The following RFX1 variants were observed in gnomAD, a reference collection of about 807,000 sequenced individuals.
RFX1 encodes MHC class II regulatory factor RFX1.
RFX1 carries 42 observed loss-of-function variants against 119.6 expected under a neutral mutation model. The ratio of observed to expected loss-of-function variants is 0.35; its 90% CI spans 0.27 to 0.45. RFX1 has a LOEUF of 0.45. Among genes scored for constraint, RFX1 ranks in the 20% least tolerant of loss-of-function variants. The pLI is 1.00. For synonymous variants in RFX1, 628 were observed against 618.5 expected, an observed-to-expected ratio of 1.02 and a Z score of -0.23; for missense variants, 1,118 against 1,368.1, an observed-to-expected ratio of 0.82 and a Z score of 2.88.
Position 13,966,476 on chromosome 19 carries a change from T to G in RFX1, c.1906A>C (p.Lys636Gln), listed in dbSNP as rs773682844. The stretch of plus-strand genomic sequence containing the variant: ...CTGAGGTTGTACCTCCAGAAGGTCT[T>G]CCACAGCGTCTCCACCAGGGTGAAC... ...LQFTLVETLW[K>Q]TFWRYNLSQP... The change falls in exon 14 of 21, where the codon AAG becomes CAG. Residue 636 changes from lysine (K) to glutamine (Q), a missense_variant. Transcript: ENST00000254325. This position sits in a 1 kb window ranked among gnomAD's most constrained non-coding sequence, Gnocchi z 6.3. 6.2e-7 allele frequency: 1 copy of G among 1,605,534 alleles called. No homozygotes were observed. Among genetic ancestry groups the G allele is most frequent in the South Asian group, 1.1e-5 (1 of 90,394 alleles).
chr19:13,977,842 CT>C (rs1385490456), intron 8 of RFX1, 149 bp downstream of exon 8: 6 of 586,936 alleles, frequency 1.0e-5, no homozygotes, highest in Admixed American at 9.6e-5. Flanking sequence ...GTGGCTGCCC[CT>C]GGGGAGTGCC....
At chr19:13,975,543 C>T (rs898152897) in intron 8 of RFX1, among the ~76,000 whole-genome samples, 1 of 152,032 alleles carries the variant, frequency 6.6e-6, no homozygotes, top group Admixed American at 6.6e-5. Context: ...CTTTGTCACA[C>T]ATCAGGTCCA....
Position 13,966,539 on chromosome 19 carries a change from G to A in RFX1, c.1852-9C>T. 6.4e-7 allele frequency: 1 copy of A among 1,557,540 alleles called. No individual in the cohort carries two copies. Among genetic ancestry groups the A allele is most frequent in the Non-Finnish European group, 8.7e-7 (1 of 1,144,750 alleles). The stretch of plus-strand genomic sequence containing the variant: ...ATGACGTCGACAATGGCCTGTGGCA[G>A]AGGCGGATGCTCAGGGAGGCTGGGG... On this transcript the variant is annotated splice_polypyrimidine_tract_variant and intron_variant, in intron 13 of 20. Transcript: ENST00000254325. The surrounding 1 kb of genome is among the most constrained non-coding windows in gnomAD (Gnocchi z 6.3).
At position 13,970,117 on chromosome 19, in the gene RFX1, G is replaced by A. The variant is rs1369434908; in HGVS notation, c.1373C>T (p.Thr458Ile). ...GTGCAGTAAGTAGTGGCAGTAGAGGGTGCTCCGTGGCAGACTCACGCCCTC... is the reference window on the plus strand; with the variant it reads ...GTGCAGTAAGTAGTGGCAGTAGAGGATGCTCCGTGGCAGACTCACGCCCTC... Reference protein sequence around the residue: ...TAEGVSLPRSTLYCHYLLHCQ... With the variant: ...TAEGVSLPRSILYCHYLLHCQ... Residue 458 changes from threonine (T) to isoleucine (I), a missense_variant, in exon 10 of 21, where the codon ACC (threonine) becomes ATC (isoleucine). Physicochemically the swap from Thr to Ile is moderately conservative, Grantham distance 89 (BLOSUM62 -1). This residue lies in a region of RFX1 where 338 missense variants were observed against 508.9 expected (regional missense o/e 0.66). Coordinates refer to ENST00000254325, the MANE Select transcript of RFX1 (RefSeq NM_002918.5). 1 of 1,613,980 alleles carries A rather than the reference G, an allele frequency of 6.2e-7. No individual in the cohort carries two copies. Among genetic ancestry groups the A allele is most frequent in the Non-Finnish European group, 8.5e-7 (1 of 1,179,988 alleles).
chr19:13,963,755 CAG>C lies in RFX1; in HGVS notation c.2362-11_2362-10del. 1 of 1,566,186 alleles carries C rather than the reference CAG, an allele frequency of 6.4e-7. No individual in the cohort carries two copies. The highest frequency in any genetic ancestry group is 1.2e-5 in the South Asian group (1 of 86,336). ...ACCCACGAGGCCTGCTCCTGGGGCA[CAG>C]AGGGTGGGCGGGCGCCCGGGGCTCA... On this transcript the variant is annotated splice_polypyrimidine_tract_variant and intron_variant, in intron 17 of 20. Coordinates refer to ENST00000254325, the MANE Select transcript of RFX1 (RefSeq NM_002918.5).
chr19:13,988,108 C>G (rs1256907088), intron 2 of RFX1, among the ~76,000 whole-genome samples: 1 of 151,022 alleles, frequency 6.6e-6, no homozygotes, highest in African/African-American at 2.4e-5. Context: ...CTCACTGCAA[C>G]CTCCACCTCC....
At chr19:13,994,908 AT>A in intron 1 of RFX1, among the ~76,000 whole-genome samples, 1 of 82,412 alleles carries the variant, frequency 1.2e-5, no homozygotes, top group East Asian at 3.6e-4. Flanking sequence ...ATATATATAT[AT>A]ATATATATAT....
chr19:14,004,496 G>T (rs1287413915), intron 1 of RFX1, among the ~76,000 whole-genome samples: 1 of 151,892 alleles, frequency 6.6e-6, no homozygotes, highest in Non-Finnish European at 1.5e-5. Flanking sequence ...CACAGAGTGA[G>T]ACTCCGTCTC....
At chr19:13,977,910 G>T in intron 8 of RFX1, 82 bp downstream of exon 8, 1 of 1,084,640 alleles carries the variant, frequency 9.2e-7, no homozygotes, top group Non-Finnish European at 1.4e-6. Flanking sequence ...TGGGGGCTGG[G>T]ACTGGGGACT....
chr19:13,988,812 G>C (rs1050451901), intron 2 of RFX1, among the ~76,000 whole-genome samples: 1 of 152,228 alleles, frequency 6.6e-6, no homozygotes, highest in African/African-American at 2.4e-5. Context: ...CTTGAGGTAA[G>C]AAGTTTGAGA....
chr19:13,991,281 G>C (rs1052484202), intron 2 of RFX1, among the ~76,000 whole-genome samples: 5 of 152,186 alleles, frequency 3.3e-5, no homozygotes, highest in African/African-American at 1.2e-4. Flanking sequence ...GGTGATGGAG[G>C]TGAAGGTGGG....
intron 5 of RFX1, 27 bp downstream of exon 5, chr19:13,982,094 A>T (rs1405566360): frequency 8.6e-7 from 1 of 1,165,930 alleles, no homozygotes; most frequent in Non-Finnish European, 1.1e-6. Context: ...AGCAGGGGGG[A>T]GGGCGGCCAA....
intron 2 of RFX1, 106 bp downstream of exon 2, chr19:13,993,419 C>A: frequency 8.8e-7 from 1 of 1,141,014 alleles, no homozygotes; most frequent in South Asian, 1.5e-5. Flanking sequence ...CAAGTCCCAT[C>A]CAGAAACCTT....
At chr19:13,995,953 A>G (rs2145630011) in intron 1 of RFX1, among the ~76,000 whole-genome samples, 1 of 151,738 alleles carries the variant, frequency 6.6e-6, no homozygotes, top group South Asian at 2.1e-4. Flanking sequence ...GCTTGAACCC[A>G]GGAGGCAGAG....
intron 1 of RFX1, among the ~76,000 whole-genome samples, chr19:13,994,153 C>T (rs1974907865): frequency 2.0e-5 from 3 of 152,128 alleles, no homozygotes; most frequent in Non-Finnish European, 4.4e-5. Context: ...GGACTCCTGC[C>T]TTCCCAGTCC....
chr19:13,971,085 A>G (rs28566777), intron 9 of RFX1, among the ~76,000 whole-genome samples: 9,474 of 151,560 alleles, frequency 0.063, 995 homozygotes, highest in African/African-American at 0.21. Flanking sequence ...TGTAATCCCA[A>G]CACTTTGGGA....
Position 13,965,562 on chromosome 19 carries a change from G to C in RFX1, c.2114-16C>G. 1 of 1,613,412 alleles carries C rather than the reference G, an allele frequency of 6.2e-7. No homozygotes were observed. The highest frequency in any genetic ancestry group is 8.5e-7 in the Non-Finnish European group (1 of 1,179,902). On this transcript the variant is annotated splice_polypyrimidine_tract_variant and intron_variant, in intron 15 of 20. Transcript: ENST00000254325. This position sits in a 1 kb window ranked among gnomAD's most constrained non-coding sequence, Gnocchi z 4.7. ...GTCAAGGCACCTGTGGGCGGTGGCGGGGGTCGGTCAGGGCAGGGCGGGTGT... is the reference window on the plus strand; with the variant it reads ...GTCAAGGCACCTGTGGGCGGTGGCGCGGGTCGGTCAGGGCAGGGCGGGTGT...
intron 8 of RFX1, among the ~76,000 whole-genome samples, chr19:13,975,663 A>G (rs569983617): frequency 6.6e-6 from 1 of 152,262 alleles, no homozygotes; most frequent in East Asian, 1.9e-4. Context: ...CAGCCTGCTC[A>G]CTCCTGCACA....
chr19:13,982,243 G>A lies in RFX1; in HGVS notation c.514-15C>T. ...GTGGGAAGAGCCTGGGGCCAGGGAGGGAGAGGGAGGGCAGATCACTGATGA... is the reference window on the plus strand; with the variant it reads ...GTGGGAAGAGCCTGGGGCCAGGGAGAGAGAGGGAGGGCAGATCACTGATGA... On this transcript the variant is annotated splice_polypyrimidine_tract_variant and intron_variant, in intron 4 of 20. Transcript: ENST00000254325. The A allele has an allele frequency of 1.6e-6, 2 of 1,289,620 alleles. No individual in the cohort carries two copies. Among genetic ancestry groups the A allele is most frequent in the Non-Finnish European group, 2.0e-6 (2 of 1,003,270 alleles). 79.9% of individuals were successfully genotyped at this position (1,289,620 alleles called of 1,614,324 possible).
Sources: allele counts gnomAD v4.1 joint callset (sites outside exome capture counted in the v4.1 genomes callset), GRCh38; gene constraint gnomAD v4.1.1; regional missense constraint gnomAD v4.1.1; non-coding constraint Gnocchi (gnomAD v3.1); transcripts MANE v1.5; gene names NCBI Gene and HGNC (gene_info 2026-07-23, HGNC 2026-07-21).